PPP3CA: variants seen among roughly 807,000 people sequenced by gnomAD.
The protein encoded by PPP3CA is protein phosphatase 3 catalytic subunit alpha, also known as CAM-PRP catalytic subunit.
Under a neutral mutation model 66.5 loss-of-function variants are expected in PPP3CA, and 14 were observed. The ratio of observed to expected loss-of-function variants is 0.21; its 90% CI spans 0.14 to 0.33. The LOEUF (loss-of-function observed/expected upper bound fraction) is 0.33, where lower values mean the gene tolerates loss of function less well. PPP3CA is among the 10% of genes least tolerant of loss of function. The pLI, the probability that PPP3CA is intolerant of heterozygous loss-of-function variation, is 1.00. For synonymous variants in PPP3CA, 232 were observed against 226.2 expected, an observed-to-expected ratio of 1.03 and a Z score of -0.23; for missense variants, 317 against 639.5, an observed-to-expected ratio of 0.50 and a Z score of 5.44.
intron 2 of PPP3CA, among the ~76,000 whole-genome samples, chr4:101,141,646 C>T (rs1458093031): frequency 1.3e-5 from 2 of 152,128 alleles, no homozygotes; most frequent in Admixed American, 1.3e-4. Context: ...TTCCCTGATC[C>T]CCATCTCTTG....
At chr4:101,247,243 C>A (rs1345534357) in intron 1 of PPP3CA, among the ~76,000 whole-genome samples, 1 of 151,860 alleles carries the variant, frequency 6.6e-6, no homozygotes, top group Non-Finnish European at 1.5e-5. Context: ...CTCACTGGAA[C>A]CTTCGCCTCC....
At chr4:101,293,856 T>C (rs1728108089) in intron 1 of PPP3CA, among the ~76,000 whole-genome samples, 1 of 152,238 alleles carries the variant, frequency 6.6e-6, no homozygotes, top group Non-Finnish European at 1.5e-5. Flanking sequence ...ATTGTTTGCT[T>C]ATTTTTTTTC....
chr4:101,295,307 CAAAAAAAAAAAA>C (rs527366396), intron 1 of PPP3CA, among the ~76,000 whole-genome samples: 1 of 42,056 alleles, frequency 2.4e-5, no homozygotes, highest in African/African-American at 8.5e-5. Context: ...GACTCCGTCT[CAAAAAAAAAAAA>C]AAAAAAAAAA....
intron 1 of PPP3CA, among the ~76,000 whole-genome samples, chr4:101,271,891 T>C (rs1363025428): frequency 6.6e-6 from 1 of 152,240 alleles, no homozygotes; most frequent in Non-Finnish European, 1.5e-5. Flanking sequence ...AATAAATGTC[T>C]ATGTTGCTCA....
At chr4:101,195,664 T>C (rs1724766583) in intron 2 of PPP3CA, among the ~76,000 whole-genome samples, 1 of 152,208 alleles carries the variant, frequency 6.6e-6, no homozygotes, top group Non-Finnish European at 1.5e-5. Flanking sequence ...TCTTAAAGTA[T>C]CACTTCAGAA....
chr4:101,169,275 C>G (rs1177023258), intron 2 of PPP3CA, among the ~76,000 whole-genome samples: 1 of 152,178 alleles, frequency 6.6e-6, no homozygotes, highest in Admixed American at 6.5e-5. Context: ...TGAAATTCAT[C>G]ACTTTTACCT....
At chr4:101,240,435 T>C (rs565766113) in intron 1 of PPP3CA, among the ~76,000 whole-genome samples, 74 of 152,214 alleles carry the variant, frequency 4.9e-4, no homozygotes, top group Non-Finnish European at 5.0e-4. Context: ...TTCATTCAGG[T>C]ATATTAGAGA....
intron 11 of PPP3CA, among the ~76,000 whole-genome samples, chr4:101,035,318 C>A (rs747614454): frequency 5.2e-4 from 79 of 151,554 alleles, no homozygotes; most frequent in Middle Eastern, 6.8e-3. Context: ...TGGGACTCAT[C>A]AAAAAAAACA....
intron 1 of PPP3CA, chr4:101,330,471 T>A: frequency 1.9e-6 from 1 of 527,916 alleles, no homozygotes; most frequent in Non-Finnish European, 3.9e-6. Context: ...ACAGTTCAGA[T>A]GATCATTAGC....
chr4:101,144,357 T>C (rs772725176), intron 2 of PPP3CA, among the ~76,000 whole-genome samples: 8 of 152,216 alleles, frequency 5.3e-5, no homozygotes, highest in Non-Finnish European at 1.0e-4. Flanking sequence ...ATCTCTCTCC[T>C]GGCACATTCC....
intron 1 of PPP3CA, among the ~76,000 whole-genome samples, chr4:101,301,512 A>G (rs1392186754): frequency 2.2e-5 from 3 of 138,612 alleles, no homozygotes; most frequent in Non-Finnish European, 4.6e-5. Flanking sequence ...TTTTTTTTGG[A>G]GACAGAATCT....
intron 1 of PPP3CA, among the ~76,000 whole-genome samples, chr4:101,289,818 C>T (rs904476763): frequency 6.0e-5 from 9 of 151,070 alleles, no homozygotes; most frequent in African/African-American, 2.2e-4. Flanking sequence ...TCACTTGATT[C>T]CAGTTATATA....
intron 1 of PPP3CA, among the ~76,000 whole-genome samples, chr4:101,215,357 T>C (rs976156636): frequency 6.6e-6 from 1 of 152,074 alleles, no homozygotes; most frequent in South Asian, 2.1e-4. Context: ...TTCTCTAATA[T>C]TTGGATGTAA....
intron 1 of PPP3CA, among the ~76,000 whole-genome samples, chr4:101,239,418 C>G (rs927341674): frequency 2.6e-5 from 4 of 152,014 alleles, no homozygotes; most frequent in African/African-American, 9.7e-5. Flanking sequence ...AAACAAGAAA[C>G]TGAATTTTGA....
chr4:101,095,981 T>C (rs1448928074), intron 5 of PPP3CA, among the ~76,000 whole-genome samples: 1 of 152,124 alleles, frequency 6.6e-6, no homozygotes, highest in Non-Finnish European at 1.5e-5. Context: ...TGAACCAGCA[T>C]CACATCTCTA....
intron 2 of PPP3CA, among the ~76,000 whole-genome samples, chr4:101,114,111 G>C (rs767088862): frequency 6.6e-6 from 1 of 151,948 alleles, no homozygotes; most frequent in African/African-American, 2.4e-5. Context: ...TGTTTAAAAA[G>C]CATCAAAAAC....
At chr4:101,029,360 A>AAG (rs1322532938) in intron 12 of PPP3CA, among the ~76,000 whole-genome samples, 165 bp from the exon 13 acceptor site, 4 of 104,372 alleles carry the variant, frequency 3.8e-5, no homozygotes, top group African/African-American at 1.3e-4. Context: ...AAAAAAAAAA[A>AAG]AAAAAAAAAA....
intron 1 of PPP3CA, among the ~76,000 whole-genome samples, chr4:101,329,312 ACT>A (rs1397759293): frequency 2.6e-5 from 4 of 151,220 alleles, no homozygotes; most frequent in Non-Finnish European, 5.9e-5. Flanking sequence ...CAAGACCCTA[ACT>A]CTCTTCAATT....
chr4:101,090,053 CA>C (rs1319077621), intron 6 of PPP3CA, among the ~76,000 whole-genome samples: 1 of 152,128 alleles, frequency 6.6e-6, no homozygotes, highest in Admixed American at 6.5e-5. Context: ...GCCAATAATT[CA>C]AAATGGTAAT....
Sources: allele counts gnomAD v4.1 joint callset (sites outside exome capture counted in the v4.1 genomes callset), GRCh38; gene constraint gnomAD v4.1.1; transcripts MANE v1.5; gene names NCBI Gene and HGNC (gene_info 2026-07-23, HGNC 2026-07-21).